HECW2: variants seen among roughly 807,000 people sequenced by gnomAD.
The protein encoded by HECW2 is E3 ubiquitin-protein ligase HECW2.
HECW2 carries 61 observed loss-of-function variants against 175.2 expected under a neutral mutation model. The ratio of observed to expected loss-of-function variants is 0.35; its 90% CI spans 0.28 to 0.43. The LOEUF is 0.43. Among genes scored for constraint, HECW2 ranks in the 20% least tolerant of loss-of-function variants. The pLI is 1.00. For missense variants in HECW2, 1,524 were observed against 2,000.5 expected (o/e 0.76, Z 4.54); for synonymous variants, 671 against 731.0 (o/e 0.92, Z 1.32).
At chr2:196,466,432 G>C (rs1363226225) in intron 1 of HECW2, among the ~76,000 whole-genome samples, 1 of 152,084 alleles carries the variant, frequency 6.6e-6, no homozygotes. Context: ...AGCTAGCAAG[G>C]GTTACCTTTT....
intron 17 of HECW2, chr2:196,263,216 C>T (rs890855258): frequency 2.0e-5 from 3 of 152,266 alleles, no homozygotes; most frequent in African/African-American, 7.2e-5. Context: ...AAAAAGTCTC[C>T]AGCTACTGCT....
chr2:196,324,958 A>G (rs780137537), intron 6 of HECW2, 22 bp downstream of exon 6: 2 of 1,531,292 alleles, frequency 1.3e-6, no homozygotes, highest in East Asian at 2.3e-5. Flanking sequence ...ATCAAGTAGG[A>G]GACCCCCGAG....
intron 1 of HECW2, among the ~76,000 whole-genome samples, chr2:196,540,668 C>A (rs923627946): frequency 6.6e-6 from 1 of 152,146 alleles, no homozygotes; most frequent in East Asian, 1.9e-4. Flanking sequence ...TGGTCTTGAA[C>A]TCCTGGCCTC....
At chr2:196,280,742 T>C (rs1314438416) in intron 14 of HECW2, among the ~76,000 whole-genome samples, 1 of 152,222 alleles carries the variant, frequency 6.6e-6, no homozygotes, top group African/African-American at 2.4e-5. Flanking sequence ...GTCACATTGG[T>C]CCCATTTGGT....
chr2:196,537,588 C>CGTTG (rs1417468425), intron 1 of HECW2, among the ~76,000 whole-genome samples: 6 of 152,046 alleles, frequency 3.9e-5, no homozygotes, highest in African/African-American at 1.2e-4. Context: ...GTGTCAGAGG[C>CGTTG]GTTCGAACCA....
intron 1 of HECW2, among the ~76,000 whole-genome samples, chr2:196,499,139 A>G (rs1001752657): frequency 2.0e-5 from 3 of 152,076 alleles, no homozygotes; most frequent in African/African-American, 7.2e-5. Flanking sequence ...TGCAATTATT[A>G]AACGCTTTCT....
chr2:196,319,865 T>C lies in HECW2; in HGVS notation c.1025A>G (p.Asn342Ser), dbSNP rs971079581. Residue 342 changes from asparagine (N) to serine (S), a missense_variant, in exon 9 of 29, where the codon AAT (asparagine) becomes AGT (serine). Around this residue, in one of 11 missense-constraint regions of HECW2, gnomAD observed 604 missense variants for 588.3 expected, o/e 1.03. Transcript: ENST00000644978. Reference sequence around the variant, plus strand: ...GCTACCTAAGTCTCCATTCACAGAATTGACTCCAAGTATTGTGCCAACAGC... The same window carrying C: ...GCTACCTAAGTCTCCATTCACAGAACTGACTCCAAGTATTGTGCCAACAGC... ...PEAVGTILGVNSVNGDLGSPS... is the reference protein window; with the variant it reads ...PEAVGTILGVSSVNGDLGSPS... The C allele has an allele frequency of 9.9e-6, 16 of 1,613,194 alleles. No individual in the cohort carries two copies. Among genetic ancestry groups the C allele is most frequent in the South Asian group, 2.2e-5 (2 of 91,046 alleles).
At chr2:196,486,868 T>C (rs1687024067) in intron 1 of HECW2, among the ~76,000 whole-genome samples, 1 of 152,204 alleles carries the variant, frequency 6.6e-6, no homozygotes, top group African/African-American at 2.4e-5. Context: ...GAGCTAATAT[T>C]AAATCTTCAA....
At chr2:196,219,983 C>T (rs1687608843) in intron 26 of HECW2, 56 bp downstream of exon 26, 1 of 1,164,398 alleles carries the variant, frequency 8.6e-7, no homozygotes, top group East Asian at 2.3e-5. Flanking sequence ...CAAGCTGAAC[C>T]ATGCCTTCCT....
intron 1 of HECW2, among the ~76,000 whole-genome samples, chr2:196,544,597 A>T (rs916864908): frequency 6.6e-6 from 1 of 152,186 alleles, no homozygotes; most frequent in Admixed American, 6.5e-5. Context: ...AACCTAAGTC[A>T]TTTGCATAGC....
At chr2:196,517,567 C>A (rs1306276363) in intron 1 of HECW2, among the ~76,000 whole-genome samples, 1 of 152,098 alleles carries the variant, frequency 6.6e-6, no homozygotes, top group African/African-American at 2.4e-5. Context: ...TAGCTTAGAG[C>A]CTTTGGCAAG....
chr2:196,242,500 CAG>C lies in HECW2; in HGVS notation c.3530-298_3530-297del, dbSNP rs1370517852. ...TCAGTCGAAACTAATATGAGTCAAA[CAG>C]AGTTACTCATGTCTAGTAGTAACTG... On this transcript the variant is annotated intron_variant, in intron 19 of 28. Coordinates refer to ENST00000644978, the MANE Select transcript of HECW2 (RefSeq NM_001348768.2). 1.4e-5 allele frequency: 5 copies of C among 350,968 alleles called. No individual in the cohort carries two copies. The East Asian group carries it at 2.4e-4, about 17-fold the overall frequency. The allele number at this position is 350,968 out of a possible 1,614,324, so 21.7% of individuals were successfully genotyped here.
intron 1 of HECW2, among the ~76,000 whole-genome samples, chr2:196,505,625 C>T (rs779764648): frequency 6.6e-6 from 1 of 152,048 alleles, no homozygotes; most frequent in African/African-American, 2.4e-5. Context: ...ATAAAGCAGA[C>T]AAATCACAGG....
chr2:196,561,102 G>A (rs74210824), intron 1 of HECW2, among the ~76,000 whole-genome samples: 13 of 152,278 alleles, frequency 8.5e-5, no homozygotes, highest in Non-Finnish European at 1.9e-4. Context: ...TACCAAAAAC[G>A]GGTAAGAGAA....
chr2:196,303,370 T>G (rs1413805822), intron 13 of HECW2, among the ~76,000 whole-genome samples: 1 of 152,214 alleles, frequency 6.6e-6, no homozygotes, highest in Admixed American at 6.5e-5. Context: ...GAAGTTTTCT[T>G]TTTCTGTTAT....
At chr2:196,478,053 A>T (rs1318413938) in intron 1 of HECW2, among the ~76,000 whole-genome samples, 2 of 152,196 alleles carry the variant, frequency 1.3e-5, no homozygotes, top group Admixed American at 1.3e-4. Context: ...TTCTGTCTCA[A>T]AAAACAAACA....
intron 2 of HECW2, among the ~76,000 whole-genome samples, chr2:196,378,969 T>C (rs1026394451): frequency 6.6e-6 from 1 of 151,994 alleles, no homozygotes; most frequent in Non-Finnish European, 1.5e-5. Context: ...CAAAGAAGCA[T>C]CCTTGGGGAA....
At chr2:196,414,306 C>T (rs936190357) in intron 2 of HECW2, among the ~76,000 whole-genome samples, 9 of 152,196 alleles carry the variant, frequency 5.9e-5, no homozygotes, top group Non-Finnish European at 1.5e-5. Flanking sequence ...CTCAATTTCA[C>T]CTCTGAATCT....
chr2:196,478,784 C>A (rs1301246548), intron 1 of HECW2, among the ~76,000 whole-genome samples: 1 of 152,032 alleles, frequency 6.6e-6, no homozygotes, highest in Non-Finnish European at 1.5e-5. Context: ...TGATGTGCAT[C>A]CCCAAATAGA....
Sources: allele counts gnomAD v4.1 joint callset (sites outside exome capture counted in the v4.1 genomes callset), GRCh38; gene constraint gnomAD v4.1.1; regional missense constraint gnomAD v4.1.1; transcripts MANE v1.5; gene names NCBI Gene and HGNC (gene_info 2026-07-23, HGNC 2026-07-21).